TSHR: variants seen among roughly 807,000 people sequenced by gnomAD.
The protein encoded by TSHR is thyrotropin receptor.
A neutral mutation model predicts 64.1 loss-of-function variants in TSHR; 51 were observed. The observed-to-expected ratio is 0.80, with a 90% CI of 0.64 to 1.01. TSHR has a LOEUF of 1.01. TSHR is among the 50% of genes least tolerant of loss of function. The probability of loss-of-function intolerance (pLI) is 0.00; values close to 1 mark genes in which losing one functional copy is unlikely to be tolerated. For synonymous variants in TSHR, 361 were observed against 361.9 expected, an observed-to-expected ratio of 1.00 and a Z score of 0.03; for missense variants, 877 against 942.8, an observed-to-expected ratio of 0.93 and a Z score of 0.91.
intron 8 of TSHR, among the ~76,000 whole-genome samples, chr14:81,131,013 A>C (rs367613349): frequency 1.1e-5 from 1 of 90,496 alleles, no homozygotes; most frequent in Non-Finnish European, 1.9e-5. Flanking sequence ...AAAAAAAAAA[A>C]AAAAAACACT....
intron 1 of TSHR, chr14:80,983,066 T>C (rs1009696095): frequency 1.8e-6 from 1 of 569,888 alleles, no homozygotes; most frequent in Non-Finnish European, 3.2e-6. Flanking sequence ...CAAGAGTTTA[T>C]TAATGAAATG....
chr14:81,015,045 T>C (rs1890114647), intron 1 of TSHR, among the ~76,000 whole-genome samples: 1 of 152,174 alleles, frequency 6.6e-6, no homozygotes, highest in Non-Finnish European at 1.5e-5. Flanking sequence ...AATACAGAAA[T>C]GGTCTGATTC....
intron 1 of TSHR, among the ~76,000 whole-genome samples, chr14:81,010,991 C>T (rs61978721): frequency 0.022 from 3,383 of 152,244 alleles, 41 homozygotes; most frequent in Middle Eastern, 0.051. Flanking sequence ...ATTTTCATAG[C>T]TACCAGAAAA....
chr14:81,019,981 G>A (rs987524140), intron 1 of TSHR, among the ~76,000 whole-genome samples: 1 of 152,114 alleles, frequency 6.6e-6, no homozygotes, highest in Non-Finnish European at 1.5e-5. Flanking sequence ...ACCCAGTAAT[G>A]GGATTGCTGG....
rs1307672115 is a variant in TSHR at position 81,035,282 on chromosome 14, T to C, written c.171-26866T>C. The stretch of plus-strand genomic sequence containing the variant: ...GTAAACTGCAGAAAGGTTCCAATGC[T>C]AGAAAATTCTCTCATACTGTCATGC... On this transcript the variant is annotated intron_variant, in intron 1 of 9. Coordinates refer to ENST00000298171, the MANE Select transcript of TSHR (RefSeq NM_000369.5). Among the ~76,000 whole-genome samples the C allele has an allele frequency of 3.3e-5, 5 of 152,344 alleles. No homozygotes were observed. In the East Asian group the frequency reaches 9.6e-4, roughly 29 times the overall value.
intron 1 of TSHR, 140 bp downstream of exon 1, chr14:80,955,990 GTAGA>G: frequency 9.8e-7 from 1 of 1,016,976 alleles, no homozygotes; most frequent in Non-Finnish European, 1.5e-6. Flanking sequence ...GTCTGTGTGT[GTAGA>G]TGTGTGTGTG....
At chr14:81,051,196 A>G (rs1008939533) in intron 1 of TSHR, 8 of 152,306 alleles carry the variant, frequency 5.3e-5, no homozygotes, top group Admixed American at 4.6e-4. Flanking sequence ...GCTCATTCAT[A>G]AGAAGCAACT....
intron 7 of TSHR, among the ~76,000 whole-genome samples, chr14:81,107,741 A>G (rs938030757): frequency 6.6e-6 from 1 of 152,214 alleles, no homozygotes; most frequent in African/African-American, 2.4e-5. Context: ...AGGCCACCCA[A>G]TACAATTTGA....
intron 1 of TSHR, among the ~76,000 whole-genome samples, chr14:81,030,924 T>G (rs185189579): frequency 7.9e-5 from 12 of 152,310 alleles, no homozygotes; most frequent in Non-Finnish European, 1.3e-4. Flanking sequence ...TAATGGAGGT[T>G]TGCCAGGGCA....
chr14:81,068,487 T>A, intron 3 of TSHR, 159 bp downstream of exon 3: 1 of 674,350 alleles, frequency 1.5e-6, no homozygotes, highest in Non-Finnish European at 2.6e-6. Context: ...CAGTTCATGT[T>A]AATTCATCTT....
At chr14:81,120,144 C>T (rs1216980506) in intron 8 of TSHR, among the ~76,000 whole-genome samples, 1 of 149,156 alleles carries the variant, frequency 6.7e-6, no homozygotes, top group Non-Finnish European at 1.5e-5. Flanking sequence ...CTAACCTGCA[C>T]AATGTGCACA....
At chr14:81,002,036 T>G (rs562102438) in intron 1 of TSHR, among the ~76,000 whole-genome samples, 2 of 152,154 alleles carry the variant, frequency 1.3e-5, no homozygotes, top group South Asian at 4.1e-4. Flanking sequence ...GCAACCTACA[T>G]TGCAGCAGAA....
intron 1 of TSHR, among the ~76,000 whole-genome samples, chr14:81,048,403 CT>C (rs895071975): frequency 3.3e-5 from 5 of 152,094 alleles, no homozygotes; most frequent in African/African-American, 1.2e-4. Context: ...GGGCTTTCTT[CT>C]GTTATTATTA....
intron 1 of TSHR, among the ~76,000 whole-genome samples, chr14:80,957,034 A>G (rs1886731487): frequency 6.6e-6 from 1 of 152,176 alleles, no homozygotes; most frequent in African/African-American, 2.4e-5. Flanking sequence ...GACCTAGTCA[A>G]GTCTTTCCAA....
intron 1 of TSHR, among the ~76,000 whole-genome samples, chr14:81,021,608 T>C (rs1883756445): frequency 6.6e-6 from 1 of 152,216 alleles, no homozygotes; most frequent in South Asian, 2.1e-4. Flanking sequence ...TGTTGTTAGA[T>C]ACTGAGACCC....
chr14:81,043,817 C>CA (rs1885037044), intron 1 of TSHR, among the ~76,000 whole-genome samples: 1 of 152,088 alleles, frequency 6.6e-6, no homozygotes, highest in Non-Finnish European at 1.5e-5. Flanking sequence ...ACAAACTTGG[C>CA]AAAAACAAGC....
At chr14:81,070,944 G>A (rs1260648367) in intron 3 of TSHR, among the ~76,000 whole-genome samples, 1 of 152,112 alleles carries the variant, frequency 6.6e-6, no homozygotes, top group Non-Finnish European at 1.5e-5. Context: ...TTCTGTGCAG[G>A]AAGAAATGAA....
At chr14:81,140,679 C>A (rs929355142) in intron 9 of TSHR, among the ~76,000 whole-genome samples, 1 of 152,326 alleles carries the variant, frequency 6.6e-6, no homozygotes, top group South Asian at 2.1e-4. Context: ...GTACAATCTC[C>A]TGTTCTCCTA....
chr14:81,033,762 C>A (rs1056344037), intron 1 of TSHR, among the ~76,000 whole-genome samples: 3 of 151,874 alleles, frequency 2.0e-5, no homozygotes, highest in Non-Finnish European at 4.4e-5. Flanking sequence ...ATAAAAGAAG[C>A]AAAGTGTGAA....
Sources: allele counts gnomAD v4.1 joint callset (sites outside exome capture counted in the v4.1 genomes callset), GRCh38; gene constraint gnomAD v4.1.1; transcripts MANE v1.5; gene names NCBI Gene and HGNC (gene_info 2026-07-23, HGNC 2026-07-21).